Variants in HDAC9 observed in about 807,000 individuals in gnomAD.
HDAC9 encodes histone deacetylase 9.
Under a neutral mutation model 139.4 loss-of-function variants are expected in HDAC9, and 41 were observed. The observed-to-expected ratio is 0.29, with a 90% CI of 0.23 to 0.38. HDAC9 has a LOEUF of 0.38. HDAC9 is among the 10% of genes least tolerant of loss of function. The probability of loss-of-function intolerance (pLI) is 1.00; values close to 1 mark genes in which losing one functional copy is unlikely to be tolerated. For synonymous variants in HDAC9, 517 were observed against 476.2 expected (o/e 1.09, Z -1.12); for missense variants, 1,147 against 1,297.0 (o/e 0.88, Z 1.78).
chr7:18,135,115 C>T (rs1458883476), intron 1 of HDAC9, among the ~76,000 whole-genome samples: 1 of 152,086 alleles, frequency 6.6e-6, no homozygotes, highest in South Asian at 2.1e-4. Context: ...CTATTTTCTC[C>T]TTAAGTTCTC....
intron 2 of HDAC9, among the ~76,000 whole-genome samples, chr7:18,205,263 C>G (rs1791419829): frequency 6.6e-6 from 1 of 151,576 alleles, no homozygotes; most frequent in Admixed American, 6.6e-5. Flanking sequence ...TTTTTTTATT[C>G]ACTGATCTAT....
At chr7:18,883,801 G>A (rs1328711999) in intron 22 of HDAC9, among the ~76,000 whole-genome samples, 1 of 151,648 alleles carries the variant, frequency 6.6e-6, no homozygotes, top group Non-Finnish European at 1.5e-5. Flanking sequence ...AAAGGTTCCA[G>A]CAAAAAAAAC....
intron 1 of HDAC9, among the ~76,000 whole-genome samples, chr7:18,157,331 C>A (rs1787286990): frequency 6.6e-6 from 1 of 151,800 alleles, no homozygotes; most frequent in Non-Finnish European, 1.5e-5. Flanking sequence ...TTGCCTGAAA[C>A]CATAGGGGTT....
chr7:18,410,434 G>A (rs1440339055), intron 1 of HDAC9, among the ~76,000 whole-genome samples: 1 of 152,136 alleles, frequency 6.6e-6, no homozygotes, highest in Non-Finnish European at 1.5e-5. Flanking sequence ...CAAATTGGTT[G>A]CCAAGAACCT....
At chr7:18,503,091 A>G (rs1007126571) in intron 2 of HDAC9, among the ~76,000 whole-genome samples, 1 of 152,198 alleles carries the variant, frequency 6.6e-6, no homozygotes. Context: ...ATGCTTTGAA[A>G]ATAATTTAAT....
intron 2 of HDAC9, among the ~76,000 whole-genome samples, chr7:18,541,945 A>G (rs1813110054): frequency 6.6e-6 from 1 of 152,180 alleles, no homozygotes; most frequent in South Asian, 2.1e-4. Context: ...CATTTAGATC[A>G]GGGTTTTTGA....
intron 1 of HDAC9, among the ~76,000 whole-genome samples, chr7:18,469,778 C>G (rs534731269): frequency 3.3e-4 from 50 of 152,094 alleles, no homozygotes; most frequent in Non-Finnish European, 6.3e-4. Context: ...CTCAGCTTAG[C>G]AGGGGAACTC....
intron 25 of HDAC9, among the ~76,000 whole-genome samples, chr7:18,994,489 A>T (rs1786294725): frequency 6.6e-6 from 1 of 152,190 alleles, no homozygotes; most frequent in Admixed American, 6.5e-5. Context: ...TCCTTATCCC[A>T]GACACTCTAG....
chr7:18,590,386 G>C lies in HDAC9; in HGVS notation c.315G>C (p.Lys105Asn), dbSNP rs766827926. Reference protein sequence around the residue: ...AIKQQQELLEKEQKLEQQRQE... With the variant: ...AIKQQQELLENEQKLEQQRQE... The stretch of plus-strand genomic sequence containing the variant: ...AACAGCAACAAGAACTCCTAGAAAA[G>C]GAGCAGAAACTGGAGCAGCAGAGGC... The change falls in exon 4 of 26, where the codon AAG becomes AAC. Residue 105 changes from lysine to asparagine, a missense_variant. Coordinates refer to ENST00000686413, the MANE Select transcript of HDAC9 (RefSeq NM_178425.4). The C allele has an allele frequency of 1.4e-5, 22 of 1,611,568 alleles. No individual in the cohort carries two copies. Among genetic ancestry groups the C allele is most frequent in the Non-Finnish European group, 1.7e-5 (20 of 1,178,858 alleles).
chr7:18,165,513 G>A lies in HDAC9; in HGVS notation c.25+3164G>A, dbSNP rs1393992889. 2.6e-5 allele frequency among the ~76,000 whole-genome samples: 4 copies of A among 152,280 alleles called. No individual in the cohort carries two copies. The East Asian group carries it at 5.8e-4, about 22-fold the overall frequency. ...AATAAAAAGCTAACACTGGCTAGGT[G>A]CAGTGGCTCATGCCTGTAATCCCAG... On this transcript the variant is annotated intron_variant, in intron 2 of 12. Transcript: ENST00000417496.
At chr7:18,609,525 G>A (rs1836500826) in intron 6 of HDAC9, among the ~76,000 whole-genome samples, 2 of 152,086 alleles carry the variant, frequency 1.3e-5, no homozygotes, top group African/African-American at 4.8e-5. Flanking sequence ...TCTTCCCTCT[G>A]AGTTTGAACA....
chr7:18,381,785 C>G (rs576223683), intron 1 of HDAC9, among the ~76,000 whole-genome samples: 1 of 152,072 alleles, frequency 6.6e-6, no homozygotes, highest in Admixed American at 6.6e-5. Flanking sequence ...TACATGCTGA[C>G]AAGAGAGTTC....
chr7:18,667,805 G>T (rs745352807), intron 12 of HDAC9: 102 of 984,670 alleles, frequency 1.0e-4, no homozygotes, highest in Non-Finnish European at 1.2e-4. Flanking sequence ...AAATTGTTAC[G>T]GAAGCTTTTC....
At chr7:18,165,265 G>C (rs904291315) in intron 2 of HDAC9, among the ~76,000 whole-genome samples, 2 of 152,150 alleles carry the variant, frequency 1.3e-5, no homozygotes. Flanking sequence ...AAAGAGTATC[G>C]TGTGGTAGCC....
Position 18,996,257 on chromosome 7 carries a change from A to T in HDAC9, c.*195A>T. ...TTGAAAGGGCATTAAAGATTCCTTA[A>T]ACGTAACCGCTGTGATTCTAGAGTT... On this transcript the variant is annotated 3_prime_UTR_variant, in exon 26 of 26. Coordinates refer to ENST00000686413, the MANE Select transcript of HDAC9 (RefSeq NM_178425.4). The T allele has an allele frequency of 2.0e-6, 1 of 510,260 alleles. No individual in the cohort carries two copies. Among genetic ancestry groups the T allele is most frequent in the Non-Finnish European group, 3.6e-6 (1 of 281,004 alleles). 31.6% of individuals were successfully genotyped at this position (510,260 alleles called of 1,614,324 possible).
chr7:18,137,378 A>G (rs1010129543), intron 1 of HDAC9, among the ~76,000 whole-genome samples: 31 of 150,804 alleles, frequency 2.1e-4, no homozygotes, highest in South Asian at 1.5e-3. Flanking sequence ...TCCCTGTCTT[A>G]TGCCAGTTTT....
At chr7:18,346,334 G>A (rs1487757839) in intron 1 of HDAC9, among the ~76,000 whole-genome samples, 2 of 152,206 alleles carry the variant, frequency 1.3e-5, no homozygotes, top group Non-Finnish European at 1.5e-5. Context: ...TGAAACAAGG[G>A]TCACTCATTG....
intron 12 of HDAC9, among the ~76,000 whole-genome samples, chr7:18,696,663 T>C (rs991282750): frequency 2.0e-5 from 3 of 152,098 alleles, no homozygotes; most frequent in Non-Finnish European, 4.4e-5. Flanking sequence ...AGAGACAGGG[T>C]TTCACAATGT....
chr7:18,408,944 A>G (rs1045936047), intron 1 of HDAC9, among the ~76,000 whole-genome samples: 1 of 152,216 alleles, frequency 6.6e-6, no homozygotes, highest in Non-Finnish European at 1.5e-5. Flanking sequence ...AAAACCCTTC[A>G]GGTAGCAGCT....
Sources: gnomAD v4.1 joint callset for allele counts (sites outside exome capture counted in the v4.1 genomes callset) on GRCh38, gnomAD v4.1.1 for gene constraint, MANE v1.5 for transcripts, NCBI Gene and HGNC (gene_info 2026-07-23, HGNC 2026-07-21) for gene names.